The following DLGAP1 variants were observed in gnomAD, a reference collection of about 807,000 sequenced individuals.
DLGAP1 encodes DLG associated protein 1.
DLGAP1 carries 11 observed loss-of-function variants against 90.8 expected under a neutral mutation model. The ratio of observed to expected loss-of-function variants is 0.12; its 90% CI spans 0.08 to 0.20. DLGAP1 has a LOEUF of 0.20. Ranked by LOEUF, DLGAP1 falls within the 10% of genes least tolerant of loss-of-function variation. The pLI, the probability that DLGAP1 is intolerant of heterozygous loss-of-function variation, is 1.00. For missense variants in DLGAP1, 1,050 were observed against 1,333.8 expected, an observed-to-expected ratio of 0.79 and a Z score of 3.31; for synonymous variants, 558 against 540.7, an observed-to-expected ratio of 1.03 and a Z score of -0.44.
At chr18:4,279,453 C>A (rs1418964607) in intron 1 of DLGAP1, among the ~76,000 whole-genome samples, 1 of 152,130 alleles carries the variant, frequency 6.6e-6, no homozygotes, top group Non-Finnish European at 1.5e-5. Context: ...TAATAAAGCT[C>A]CTGCTTCTTT....
chr18:3,700,194 AG>A (rs1251749056), intron 7 of DLGAP1, among the ~76,000 whole-genome samples: 1 of 152,158 alleles, frequency 6.6e-6, no homozygotes, highest in Non-Finnish European at 1.5e-5. Context: ...GCAGCTAGCT[AG>A]GTGTCTGTCT....
At chr18:4,160,411 A>G (rs2076824951) in intron 1 of DLGAP1, among the ~76,000 whole-genome samples, 1 of 152,192 alleles carries the variant, frequency 6.6e-6, no homozygotes, top group African/African-American at 2.4e-5. Context: ...CCCCCTCTGT[A>G]TAAGCTTAAC....
chr18:4,138,661 T>TTA (rs2076445918), intron 2 of DLGAP1, among the ~76,000 whole-genome samples: 1 of 152,082 alleles, frequency 6.6e-6, no homozygotes, highest in South Asian at 2.1e-4. Context: ...TAGAATGAAT[T>TTA]TAGACATATT....
chr18:3,741,278 CCATCACCACCACCACCACCACCACATCA>C lies in DLGAP1; in HGVS notation c.1350+1029_1350+1056del, dbSNP rs2063013883. On this transcript the variant is annotated intron_variant, in intron 6 of 12. Transcript: ENST00000315677. ...CACCACAATCACCACCACCACATCACCATCACCACCACCACCACCACCACATCACATCACCACCACCACCACCACCATC... is the reference window on the plus strand; with the variant it reads ...CACCACAATCACCACCACCACATCACCATCACCACCACCACCACCACCATC... Among the ~76,000 whole-genome samples the C allele has an allele frequency of 8.6e-4, 101 of 117,060 alleles. 1 individual carries two copies. Among genetic ancestry groups the C allele is most frequent in the African/African-American group, 3.6e-3 (97 of 26,970 alleles). 76.8% of individuals were successfully genotyped at this position (117,060 alleles called of 152,430 possible). A position where few individuals can be genotyped will look rare whatever the true frequency, so the allele number is the denominator to read the frequency against.
intron 2 of DLGAP1, among the ~76,000 whole-genome samples, chr18:4,019,509 T>C (rs910225827): frequency 6.6e-6 from 1 of 152,218 alleles, no homozygotes; most frequent in African/African-American, 2.4e-5. Flanking sequence ...AAATGTGTAT[T>C]TTCCAGACTT....
At chr18:3,632,478 T>G in intron 7 of DLGAP1, among the ~76,000 whole-genome samples, 1 of 152,092 alleles carries the variant, frequency 6.6e-6, no homozygotes, top group Non-Finnish European at 1.5e-5. Flanking sequence ...ATTTTGTGTA[T>G]TTTTCGCAGA....
intron 3 of DLGAP1, among the ~76,000 whole-genome samples, chr18:3,907,116 T>G (rs914822353): frequency 1.3e-5 from 2 of 152,176 alleles, no homozygotes; most frequent in African/African-American, 4.8e-5. Flanking sequence ...ATTGGGGACA[T>G]GAGCATCCAT....
intron 1 of DLGAP1, among the ~76,000 whole-genome samples, chr18:4,329,223 C>T (rs1337776505): frequency 1.3e-5 from 2 of 151,926 alleles, no homozygotes; most frequent in African/African-American, 4.8e-5. Flanking sequence ...ACTTTTTCCA[C>T]AAGGATTTCC....
At chr18:3,594,864 A>G (rs1248456583) in intron 7 of DLGAP1, among the ~76,000 whole-genome samples, 1 of 152,172 alleles carries the variant, frequency 6.6e-6, no homozygotes, top group African/African-American at 2.4e-5. Context: ...CTGAAGTTGT[A>G]CTTTGAATGC....
chr18:4,269,350 A>ATTTTTT (rs1276704887), intron 1 of DLGAP1, among the ~76,000 whole-genome samples: 10 of 127,098 alleles, frequency 7.9e-5, no homozygotes, highest in South Asian at 2.3e-4. Flanking sequence ...ATATATATAT[A>ATTTTTT]TATATTTTTT....
Position 4,023,913 on chromosome 18 carries a change from T to C in DLGAP1, c.-158-18712A>G, listed in dbSNP as rs574347911. Among the ~76,000 whole-genome samples the C allele has an allele frequency of 4.6e-5, 7 of 152,296 alleles. No individual in the cohort carries two copies. The South Asian group carries it at 1.5e-3, about 32-fold the overall frequency. ...TTCTGCTTAGTAGAAAAGGTTTATA[T>C]ATGGATCACATGTCTGTGTGTGTAT... is the stretch of plus-strand genomic sequence containing the variant. On this transcript the variant is annotated intron_variant, in intron 2 of 12. Coordinates refer to ENST00000315677, the MANE Select transcript of DLGAP1 (RefSeq NM_004746.4).
At chr18:4,340,032 G>A (rs2081155607) in intron 1 of DLGAP1, among the ~76,000 whole-genome samples, 1 of 152,130 alleles carries the variant, frequency 6.6e-6, no homozygotes, top group Non-Finnish European at 1.5e-5. Flanking sequence ...ACCCCCAGCT[G>A]ATGCCTGAAA....
chr18:4,450,574 A>G (rs2083797965), intron 1 of DLGAP1, among the ~76,000 whole-genome samples: 2 of 152,182 alleles, frequency 1.3e-5, no homozygotes, highest in Non-Finnish European at 2.9e-5. Context: ...AAGTCACAGC[A>G]CAATGTCTCC....
intron 3 of DLGAP1, among the ~76,000 whole-genome samples, chr18:3,891,673 T>G (rs953854224): frequency 2.0e-5 from 3 of 152,246 alleles, no homozygotes; most frequent in African/African-American, 7.2e-5. Flanking sequence ...GATCTCATTT[T>G]AATCTCAAAC....
Position 3,631,549 on chromosome 18 carries a change from C to G in DLGAP1, c.1592-49301G>C, listed in dbSNP as rs557236314. On this transcript the variant is annotated intron_variant, in intron 7 of 12. Coordinates refer to ENST00000315677, the MANE Select transcript of DLGAP1 (RefSeq NM_004746.4). ...GATCACTTGAGCTCCGAGTTCAAGA[C>G]CAGCCTGGGCAACATAGTGAGACCT... Among the ~76,000 whole-genome samples, 8 of 152,046 alleles carry G rather than the reference C, an allele frequency of 5.3e-5. No homozygotes were observed. The South Asian group carries it at 1.3e-3, about 24-fold the overall frequency.
chr18:4,332,642 C>A (rs942622398), intron 1 of DLGAP1, among the ~76,000 whole-genome samples: 1 of 151,908 alleles, frequency 6.6e-6, no homozygotes, highest in Admixed American at 6.6e-5. Flanking sequence ...AAGGCAGAGA[C>A]ATTTGAATAT....
At chr18:4,105,664 C>T (rs949709960) in intron 2 of DLGAP1, among the ~76,000 whole-genome samples, 2 of 152,138 alleles carry the variant, frequency 1.3e-5, no homozygotes, top group South Asian at 2.1e-4. Context: ...AATTTAAATG[C>T]GATCTATTTC....
intron 1 of DLGAP1, among the ~76,000 whole-genome samples, chr18:4,451,337 T>C (rs2083824253): frequency 4.6e-5 from 7 of 152,126 alleles, no homozygotes; most frequent in Admixed American, 4.6e-4. Flanking sequence ...GCTCTGTAGG[T>C]GTGTGTTTGG....
intron 2 of DLGAP1, among the ~76,000 whole-genome samples, chr18:4,020,232 T>C (rs2074587791): frequency 6.6e-6 from 1 of 152,202 alleles, no homozygotes; most frequent in Non-Finnish European, 1.5e-5. Flanking sequence ...CCCGACTTCC[T>C]GTCATGGCCT....
Sources: gnomAD v4.1 joint callset for allele counts (sites outside exome capture counted in the v4.1 genomes callset) on GRCh38, gnomAD v4.1.1 for gene constraint, MANE v1.5 for transcripts, NCBI Gene and HGNC (gene_info 2026-07-23, HGNC 2026-07-21) for gene names.